SLC4A4: variants seen among roughly 807,000 people sequenced by gnomAD.
SLC4A4 encodes solute carrier family 4 member 4.
SLC4A4 carries 27 observed loss-of-function variants against 111.5 expected under a neutral mutation model. The observed-to-expected ratio is 0.24, with a 90% CI of 0.18 to 0.33. The LOEUF (loss-of-function observed/expected upper bound fraction) is 0.33. SLC4A4 is among the 10% of genes least tolerant of loss of function. SLC4A4 has a pLI of 1.00. For synonymous variants in SLC4A4, 443 were observed against 463.4 expected (o/e 0.96, Z 0.57); for missense variants, 909 against 1,315.5 (o/e 0.69, Z 4.78).
chr4:71,537,220 T>C (rs941405107), intron 18 of SLC4A4, among the ~76,000 whole-genome samples: 33 of 145,128 alleles, frequency 2.3e-4, no homozygotes, highest in Middle Eastern at 3.3e-3. Context: ...CAGACTCTAA[T>C]GCGTTTTCAT....
intron 2 of SLC4A4, among the ~76,000 whole-genome samples, chr4:71,172,296 G>A (rs188822436): frequency 4.2e-5 from 6 of 144,074 alleles, no homozygotes; most frequent in South Asian, 4.3e-4. Context: ...TCGCTTTGTC[G>A]CCAGGCTGGA....
intron 6 of SLC4A4, among the ~76,000 whole-genome samples, chr4:71,379,007 TG>T (rs1342997671): frequency 4.6e-5 from 7 of 152,174 alleles, no homozygotes; most frequent in Non-Finnish European, 1.0e-4. Flanking sequence ...CACCCTTCCT[TG>T]ACTATTACAA....
chr4:71,528,940 TTC>T (rs1733681883), intron 16 of SLC4A4, among the ~76,000 whole-genome samples: 1 of 152,000 alleles, frequency 6.6e-6, no homozygotes, highest in African/African-American at 2.4e-5. Flanking sequence ...GAAAAACATT[TTC>T]TTTTTTCATT....
intron 7 of SLC4A4, among the ~76,000 whole-genome samples, chr4:71,435,142 T>C (rs1724005876): frequency 6.6e-6 from 1 of 152,142 alleles, no homozygotes; most frequent in African/African-American, 2.4e-5. Flanking sequence ...GGCATCACAC[T>C]ACCTGACTTC....
chr4:71,087,201 T>G (rs1034343950), intron 1 of SLC4A4, among the ~76,000 whole-genome samples: 11 of 152,112 alleles, frequency 7.2e-5, no homozygotes, highest in African/African-American at 2.7e-4. Context: ...ATAGAGGTGT[T>G]TACAGTATTC....
chr4:71,190,920 T>G (rs1249650653), intron 1 of SLC4A4, among the ~76,000 whole-genome samples: 1 of 152,250 alleles, frequency 6.6e-6, no homozygotes, highest in African/African-American at 2.4e-5. Context: ...GATGTTCCAG[T>G]TAAAATTTTT....
chr4:71,090,870 T>G (rs79590598), intron 1 of SLC4A4, among the ~76,000 whole-genome samples: 1 of 152,176 alleles, frequency 6.6e-6, no homozygotes. Context: ...CAGAAGGAAG[T>G]TGGGCCAAAT....
At chr4:71,509,680 T>G (rs1409093284) in intron 16 of SLC4A4, among the ~76,000 whole-genome samples, 1 of 152,146 alleles carries the variant, frequency 6.6e-6, no homozygotes, top group African/African-American at 2.4e-5. Flanking sequence ...AATCTGGGGT[T>G]TGGGGACCAG....
At chr4:71,216,188 C>T (rs886070853) in intron 1 of SLC4A4, among the ~76,000 whole-genome samples, 9 of 152,134 alleles carry the variant, frequency 5.9e-5, no homozygotes, top group Non-Finnish European at 1.2e-4. Flanking sequence ...GGATTACAGG[C>T]GTGAGCCACA....
At chr4:71,460,601 G>A (rs1726728023) in intron 12 of SLC4A4, among the ~76,000 whole-genome samples, 1 of 152,172 alleles carries the variant, frequency 6.6e-6, no homozygotes, top group Non-Finnish European at 1.5e-5. Flanking sequence ...TTTGGCAGCT[G>A]TGATCTGTCA....
chr4:71,534,578 T>A (rs1734244406), intron 18 of SLC4A4, among the ~76,000 whole-genome samples, 190 bp downstream of exon 18: 1 of 143,108 alleles, frequency 7.0e-6, no homozygotes, highest in South Asian at 2.3e-4. Context: ...GAGAGCTCAT[T>A]TAAATCTGAA....
chr4:71,174,541 C>T (rs1296445755), intron 2 of SLC4A4, among the ~76,000 whole-genome samples: 1 of 152,094 alleles, frequency 6.6e-6, no homozygotes. Flanking sequence ...AGCCACCGCA[C>T]CTGGCCCACA....
chr4:71,236,286 A>G (rs945761224), intron 1 of SLC4A4: 136 of 1,062,398 alleles, frequency 1.3e-4, no homozygotes, highest in Non-Finnish European at 1.5e-4. Flanking sequence ...TTAAAACCCT[A>G]AAGGGGAGAG....
rs1737863897 is a variant in SLC4A4, at chr4:71,570,480, T to A, written c.*2729T>A. On this transcript the variant is annotated 3_prime_UTR_variant, in exon 26 of 26. Coordinates refer to ENST00000264485, the MANE Select transcript of SLC4A4 (RefSeq NM_001098484.3). ...TTACCTAGTGACACCAAATTATCGG[T>A]ATTTTAACTGAATTTACCCATTGAC... 1 of 152,258 alleles carries A rather than the reference T, an allele frequency of 6.6e-6. No homozygotes were observed. The highest frequency in any genetic ancestry group is 1.5e-5 in the Non-Finnish European group (1 of 67,860). 9.4% of individuals were successfully genotyped at this position (152,258 alleles called of 1,614,324 possible). A position where few individuals can be genotyped will look rare whatever the true frequency, so the allele number is the denominator to read the frequency against.
chr4:71,314,703 TG>T (rs1334759942), intron 3 of SLC4A4, among the ~76,000 whole-genome samples: 1 of 151,744 alleles, frequency 6.6e-6, no homozygotes, highest in Non-Finnish European at 1.5e-5. Flanking sequence ...CACTCGTAAG[TG>T]GGAGTTGAAT....
intron 7 of SLC4A4, among the ~76,000 whole-genome samples, chr4:71,398,620 A>G (rs1185107823): frequency 6.6e-6 from 1 of 152,222 alleles, no homozygotes. Context: ...ATTTAAAAAA[A>G]TCATAGAAAT....
intron 18 of SLC4A4, among the ~76,000 whole-genome samples, chr4:71,542,813 C>T (rs959937762): frequency 1.3e-5 from 2 of 152,096 alleles, no homozygotes; most frequent in Non-Finnish European, 2.9e-5. Context: ...TTCCAGTAAA[C>T]CACTGGAGGG....
intron 15 of SLC4A4, among the ~76,000 whole-genome samples, chr4:71,494,616 G>A (rs1730232099): frequency 6.6e-6 from 1 of 151,968 alleles, no homozygotes; most frequent in Admixed American, 6.6e-5. Flanking sequence ...TGCCAGTACT[G>A]TCTTGTTCTT....
At chr4:71,242,318 A>G (rs1720309194) in intron 2 of SLC4A4, among the ~76,000 whole-genome samples, 1 of 152,210 alleles carries the variant, frequency 6.6e-6, no homozygotes, top group Admixed American at 6.5e-5. Context: ...TTATCTGGTC[A>G]TATTAGTGAG....
Sources: gnomAD v4.1 joint callset for allele counts (sites outside exome capture counted in the v4.1 genomes callset) on GRCh38, gnomAD v4.1.1 for gene constraint, MANE v1.5 for transcripts, NCBI Gene and HGNC (gene_info 2026-07-23, HGNC 2026-07-21) for gene names.